Variants in NFKB1 observed in about 807,000 individuals in gnomAD.
NFKB1 encodes nuclear factor NF-kappa-B p105 subunit.
A neutral mutation model predicts 105.1 loss-of-function variants in NFKB1; 9 were observed. That is an observed-to-expected ratio of 0.09 (90% confidence interval 0.05 to 0.15). NFKB1 has a LOEUF of 0.15. Among genes scored for constraint, NFKB1 ranks in the 10% least tolerant of loss-of-function variants. NFKB1 has a pLI of 1.00. For missense variants in NFKB1, 830 were observed against 1,203.7 expected (o/e 0.69, Z 4.59); for synonymous variants, 440 against 442.2 (o/e 1.00, Z 0.06).
chr4:102,554,074 A>G (rs988319769), intron 5 of NFKB1, among the ~76,000 whole-genome samples: 1 of 152,124 alleles, frequency 6.6e-6, no homozygotes, highest in African/African-American at 2.4e-5. Flanking sequence ...TCTGTGTCCT[A>G]TGCATATGAC....
intron 1 of NFKB1, among the ~76,000 whole-genome samples, chr4:102,520,555 C>T (rs1208412541): frequency 6.6e-6 from 1 of 152,020 alleles, no homozygotes; most frequent in Non-Finnish European, 1.5e-5. Context: ...TCACATTGCA[C>T]CCAAATGAAA....
chr4:102,557,257 T>G (rs984522704), intron 5 of NFKB1: 1 of 152,220 alleles, frequency 6.6e-6, no homozygotes, highest in Non-Finnish European at 1.5e-5. Flanking sequence ...GGTTTTGATA[T>G]AGCAAAAACT....
intron 5 of NFKB1, among the ~76,000 whole-genome samples, chr4:102,539,236 C>CAAAAAAAAAAAAAAAAAAAAAA (rs550342036): frequency 3.1e-5 from 3 of 95,634 alleles, no homozygotes; most frequent in African/African-American, 1.1e-4. Flanking sequence ...GACTCTGTCT[C>CAAAAAAAAAAAAAAAAAAAAAA]AAAAAAAAAA....
chr4:102,591,916 C>G (rs4698858), intron 11 of NFKB1, among the ~76,000 whole-genome samples: 63,112 of 152,088 alleles, frequency 0.41, 13,263 homozygotes, highest in Admixed American at 0.48. Flanking sequence ...TTACCATTAA[C>G]CACATTTGTG....
intron 9 of NFKB1, 132 bp downstream of exon 9, chr4:102,580,771 G>A (rs1725257989): frequency 1.5e-6 from 1 of 645,754 alleles, no homozygotes; most frequent in African/African-American, 1.9e-5. Flanking sequence ...GTCTTAAAAA[G>A]CATTTACGTT....
chr4:102,567,828 C>G (rs1724001309), intron 6 of NFKB1, among the ~76,000 whole-genome samples: 1 of 152,126 alleles, frequency 6.6e-6, no homozygotes, highest in Non-Finnish European at 1.5e-5. Context: ...TGCTAAAAAA[C>G]TTGTATTTTC....
chr4:102,553,951 A>C (rs1391427129), intron 5 of NFKB1, among the ~76,000 whole-genome samples: 5 of 152,180 alleles, frequency 3.3e-5, no homozygotes, highest in Non-Finnish European at 7.3e-5. Flanking sequence ...ATGTATTTAA[A>C]ATGTTCACAA....
intron 1 of NFKB1, among the ~76,000 whole-genome samples, chr4:102,511,590 C>T (rs777638559): frequency 2.6e-5 from 4 of 152,030 alleles, no homozygotes; most frequent in Non-Finnish European, 5.9e-5. Context: ...GTAGGAGGTT[C>T]ACTTGAGCCT....
In NFKB1 at chr4:102,577,014, A is replaced by G. The variant is rs1421477145; in HGVS notation, c.546A>G (p.Glu182=). ...CTGACCTTGCCTATTTGCAAGCAGAAGGTGGAGGGGACCGGCAGCTGGGAG... is the reference window on the plus strand; with the variant it reads ...CTGACCTTGCCTATTTGCAAGCAGAGGGTGGAGGGGACCGGCAGCTGGGAG... The part of the protein sequence containing the change: ...VHPDLAYLQA[E]GGGDRQLGDR... Residue 182 remains glutamate (E), a synonymous_variant, in exon 7 of 24, where the codon GAA becomes GAG. Coordinates refer to ENST00000226574, the MANE Select transcript of NFKB1 (RefSeq NM_003998.4). 23 of 1,612,668 alleles carry G rather than the reference A, an allele frequency of 1.4e-5. No individual in the cohort carries two copies. Among genetic ancestry groups the G allele is most frequent in the Non-Finnish European group, 1.8e-5 (21 of 1,179,600 alleles).
At chr4:102,583,432 G>A (rs1329208513) in intron 10 of NFKB1, among the ~76,000 whole-genome samples, 1 of 152,110 alleles carries the variant, frequency 6.6e-6, no homozygotes, top group Non-Finnish European at 1.5e-5. Context: ...GTAGAGTTAT[G>A]GGCAAGGTTC....
At chr4:102,601,889 C>T (rs1280055494) in intron 16 of NFKB1, among the ~76,000 whole-genome samples, 1 of 152,222 alleles carries the variant, frequency 6.6e-6, no homozygotes, top group Admixed American at 6.5e-5. Context: ...TCCCCTACTC[C>T]CACCAGTCTG....
intron 2 of NFKB1, among the ~76,000 whole-genome samples, chr4:102,527,245 G>A (rs994200130): frequency 3.1e-4 from 47 of 152,140 alleles, no homozygotes; most frequent in African/African-American, 1.1e-3. Context: ...GCGCAGAGCG[G>A]GATAGAAATG....
chr4:102,533,823 T>G, intron 3 of NFKB1, 22 bp from the exon 4 acceptor site: 1 of 1,608,422 alleles, frequency 6.2e-7, no homozygotes, highest in Non-Finnish European at 8.5e-7. Flanking sequence ...TTTTGGTTTC[T>G]GTTTGTTGTT....
chr4:102,504,234 A>G (rs1008263252), intron 1 of NFKB1, among the ~76,000 whole-genome samples: 4 of 152,182 alleles, frequency 2.6e-5, no homozygotes, highest in Non-Finnish European at 4.4e-5. Flanking sequence ...GGGTCTTAGT[A>G]GATGTGCTAT....
intron 5 of NFKB1, among the ~76,000 whole-genome samples, chr4:102,548,961 G>A (rs1294028302): frequency 6.6e-6 from 1 of 152,060 alleles, no homozygotes; most frequent in East Asian, 1.9e-4. Context: ...CTGGGTAGAT[G>A]TGAATTCTGG....
At chr4:102,573,181 G>A (rs758507824) in intron 6 of NFKB1, among the ~76,000 whole-genome samples, 1 of 152,166 alleles carries the variant, frequency 6.6e-6, no homozygotes, top group East Asian at 1.9e-4. Context: ...GGTGGTGCAT[G>A]CCTGTAATCC....
intron 1 of NFKB1, among the ~76,000 whole-genome samples, chr4:102,524,851 G>T (rs1384896452): frequency 6.6e-6 from 1 of 152,174 alleles, no homozygotes; most frequent in Non-Finnish European, 1.5e-5. Context: ...GATCTGACAG[G>T]ACACGGAGCT....
Position 102,616,835 on chromosome 4 carries a change from G to A in NFKB1, c.*241G>A, listed in dbSNP as rs1728982796. 5.3e-6 allele frequency: 2 copies of A among 376,524 alleles called. No homozygotes were observed. Among genetic ancestry groups the A allele is most frequent in the East Asian group, 4.8e-5 (1 of 20,734 alleles). 23.3% of individuals were successfully genotyped at this position (376,524 alleles called of 1,614,324 possible). ...AACACTGGCTGAGCGGATGCATCTG[G>A]GGATGAGGTTGCTTACTAAGCTTTG... is the stretch of plus-strand genomic sequence containing the variant. On this transcript the variant is annotated 3_prime_UTR_variant, in exon 24 of 24. Transcript: ENST00000226574.
intron 10 of NFKB1, among the ~76,000 whole-genome samples, chr4:102,583,186 A>C (rs1202562319): frequency 2.0e-5 from 3 of 152,092 alleles, no homozygotes; most frequent in African/African-American, 7.2e-5. Flanking sequence ...ATGTCTTGCC[A>C]TCTTGCTCAG....
Sources: gnomAD v4.1 joint callset for allele counts (sites outside exome capture counted in the v4.1 genomes callset) on GRCh38, gnomAD v4.1.1 for gene constraint, MANE v1.5 for transcripts, NCBI Gene and HGNC (gene_info 2026-07-23, HGNC 2026-07-21) for gene names.